POLH: variants seen among roughly 807,000 people sequenced by gnomAD.
POLH encodes DNA polymerase eta.
POLH carries 53 observed loss-of-function variants against 73.6 expected under a neutral mutation model. The ratio of observed to expected loss-of-function variants is 0.72; its 90% CI spans 0.58 to 0.91. POLH has a LOEUF of 0.91. Among genes scored for constraint, POLH ranks in the 40% least tolerant of loss-of-function variants. The pLI is 0.00. For missense variants in POLH, 768 were observed against 865.4 expected, an observed-to-expected ratio of 0.89 and a Z score of 1.41; for synonymous variants, 292 against 308.5, an observed-to-expected ratio of 0.95 and a Z score of 0.56.
chr6:43,613,576 A>G (rs1768118924), intron 10 of POLH, 84 bp from the exon 11 acceptor site: 2 of 1,127,792 alleles, frequency 1.8e-6, no homozygotes, highest in Non-Finnish European at 2.7e-6. Flanking sequence ...GAAATAAAAC[A>G]GATACAATTC....
At chr6:43,581,910 A>G (rs1282387298) in intron 1 of POLH, among the ~76,000 whole-genome samples, 1 of 151,722 alleles carries the variant, frequency 6.6e-6, no homozygotes, top group African/African-American at 2.4e-5. Flanking sequence ...TCCTCTCAAG[A>G]TCGAGTGAAA....
At chr6:43,601,151 T>G in intron 6 of POLH, 60 bp downstream of exon 6, 1 of 1,176,624 alleles carries the variant, frequency 8.5e-7, no homozygotes, top group Non-Finnish European at 1.3e-6. Context: ...ACTCTCTGGT[T>G]GTAGTTTCTT....
intron 3 of POLH, among the ~76,000 whole-genome samples, chr6:43,584,943 C>T (rs191362667): frequency 1.3e-5 from 2 of 152,202 alleles, no homozygotes; most frequent in Admixed American, 1.3e-4. Context: ...AAGTTTGAGA[C>T]CAGCCTGGGC....
chr6:43,583,244 G>GA (rs1209359085), intron 3 of POLH, 103 bp downstream of exon 3: 4 of 1,077,068 alleles, frequency 3.7e-6, no homozygotes, highest in Non-Finnish European at 5.5e-6. Context: ...AATAACACCG[G>GA]AAAAAATTCT....
intron 4 of POLH, 22 bp from the exon 5 acceptor site, chr6:43,597,674 G>C (rs1331931848): frequency 1.2e-6 from 2 of 1,600,710 alleles, no homozygotes; most frequent in African/African-American, 2.7e-5. Context: ...ATGTCTAAAT[G>C]TGAGTTCTTA....
intron 4 of POLH, 47 bp downstream of exon 4, chr6:43,587,536 T>A (rs752228171): frequency 3.8e-6 from 5 of 1,326,100 alleles, no homozygotes; most frequent in Admixed American, 1.7e-5. Flanking sequence ...CTTTGGAACC[T>A]GCTTTGCTTG....
rs573418022 is a variant in POLH, at chr6:43,590,530, C to T, written c.490+3041C>T. On this transcript the variant is annotated intron_variant, in intron 4 of 10. Transcript: ENST00000372236. ...AGGCTGGAGTGCAGTGGCGCAATCT[C>T]GGCTCATTGTAACCTCTGCCAGAAT... 7.3e-5 allele frequency among the ~76,000 whole-genome samples: 11 copies of T among 150,910 alleles called. No homozygotes were observed. The East Asian group carries it at 1.4e-3, about 19-fold the overall frequency.
At chr6:43,583,861 T>A (rs1017195630) in intron 3 of POLH, among the ~76,000 whole-genome samples, 1 of 152,212 alleles carries the variant, frequency 6.6e-6, no homozygotes, top group Non-Finnish European at 1.5e-5. Context: ...GGATGGTGGC[T>A]CATGCCTGTA....
At chr6:43,604,862 C>T in intron 8 of POLH, 124 bp downstream of exon 8, 1 of 1,009,632 alleles carries the variant, frequency 9.9e-7, no homozygotes, top group Non-Finnish European at 1.6e-6. Flanking sequence ...AACAGATGTT[C>T]TGTCCTTGGG....
At chr6:43,605,603 T>C (rs1239141697) in intron 9 of POLH, among the ~76,000 whole-genome samples, 1 of 151,906 alleles carries the variant, frequency 6.6e-6, no homozygotes, top group Non-Finnish European at 1.5e-5. Context: ...TGCATGCCAC[T>C]ACAACTGGCT....
intron 6 of POLH, 94 bp downstream of exon 6, chr6:43,601,185 C>A: frequency 2.3e-6 from 2 of 886,292 alleles, no homozygotes; most frequent in African/African-American, 1.6e-5. Context: ...AGGACTGGAG[C>A]CAGGGGAAAT....
intron 9 of POLH, among the ~76,000 whole-genome samples, chr6:43,607,685 A>G (rs980867681): frequency 2.0e-5 from 3 of 152,116 alleles, no homozygotes; most frequent in African/African-American, 4.8e-5. Context: ...CTTACCATCA[A>G]TGTAAGAGGG....
chr6:43,581,292 G>C (rs1239455082), intron 1 of POLH, among the ~76,000 whole-genome samples: 1 of 148,094 alleles, frequency 6.8e-6, no homozygotes, highest in Non-Finnish European at 1.5e-5. Flanking sequence ...CATCTCAGAC[G>C]ATGGGCGGGC....
rs368674951 is a variant in POLH at position 43,618,188 on chromosome 6, G to A, written c.*3631G>A. Among the ~76,000 whole-genome samples, 8 of 151,726 alleles carry A rather than the reference G, an allele frequency of 5.3e-5. No homozygotes were observed. The highest frequency in any genetic ancestry group is 8.8e-5 in the Non-Finnish European group (6 of 67,992). On this transcript the variant is annotated 3_prime_UTR_variant, in exon 11 of 11. Coordinates refer to ENST00000372236, the MANE Select transcript of POLH (RefSeq NM_006502.3). ...TTATTTTTTTTTGAGATGGAGTCTC[G>A]CTGTGTAGCCAGGCTGGAGTGCAGT...
At position 43,587,390 on chromosome 6, in the gene POLH, A is replaced by G; in HGVS notation, c.391A>G (p.Lys131Glu). The G allele has an allele frequency of 6.2e-7, 1 of 1,614,172 alleles. No individual in the cohort carries two copies. Among genetic ancestry groups the G allele is most frequent in the South Asian group, 1.1e-5 (1 of 91,080 alleles). Residue 131 changes from lysine to glutamate, a missense_variant, in exon 4 of 11, where the codon AAG becomes GAG. Transcript: ENST00000372236. ...LTSAVQERLQ[K>E]LQGQPISADL... ...CAGTGCTGTACAAGAGAGACTACAA[A>G]AGCTACAAGGTCAGCCTATCTCGGC...
intron 1 of POLH, among the ~76,000 whole-genome samples, chr6:43,577,363 G>A (rs1456461258): frequency 6.6e-6 from 1 of 152,170 alleles, no homozygotes; most frequent in African/African-American, 2.4e-5. Flanking sequence ...CTAATATGGT[G>A]CTTAGCCTGT....
At chr6:43,580,993 ACC>A (rs1200040379) in intron 1 of POLH, among the ~76,000 whole-genome samples, 3 of 82,054 alleles carry the variant, frequency 3.7e-5, no homozygotes, top group African/African-American at 9.6e-5. Context: ...CGGGGGGCTG[ACC>A]CCCCCCCACC....
At chr6:43,585,209 G>A (rs936603886) in intron 3 of POLH, among the ~76,000 whole-genome samples, 3 of 152,174 alleles carry the variant, frequency 2.0e-5, no homozygotes, top group South Asian at 4.1e-4. Flanking sequence ...GAAGGGGTGC[G>A]GAGCTTTCAT....
Position 43,618,700 on chromosome 6 carries a change from G to A in POLH, c.*4143G>A, listed in dbSNP as rs1414088182. On this transcript the variant is annotated 3_prime_UTR_variant, in exon 11 of 11. Transcript: ENST00000372236. ...GGCTGGAATGCAATGGCACGATCTC[G>A]GCTCACTGCAACCTCCGCCTCCCGG... Among the ~76,000 whole-genome samples the A allele has an allele frequency of 7.9e-5, 12 of 152,106 alleles. No homozygotes were observed. The highest frequency in any genetic ancestry group is 5.9e-4 in the Admixed American group (9 of 15,258).
Sources: allele counts gnomAD v4.1 joint callset (sites outside exome capture counted in the v4.1 genomes callset), GRCh38; gene constraint gnomAD v4.1.1; transcripts MANE v1.5; gene names NCBI Gene and HGNC (gene_info 2026-07-23, HGNC 2026-07-21).